CIMAP1D: variants seen among roughly 807,000 people sequenced by gnomAD.
CIMAP1D encodes CIMAP1 family member D, also known as protein CIMAP1D.
the CIMAP1D span, among the ~76,000 whole-genome samples, chr19:468,723 G>A: frequency 2.6e-5 from 4 of 152,188 alleles, no homozygotes; most frequent in Admixed American, 6.5e-5. Context: ...CGGTGTTCAC[G>A]GCCCCACAGA....
At chr19:471,356 G>T in the CIMAP1D span, among the ~76,000 whole-genome samples, 1 of 151,984 alleles carries the variant, frequency 6.6e-6, no homozygotes, top group Non-Finnish European at 1.5e-5. Context: ...CACCATGTTA[G>T]CCAGGATGGT....
At chr19:463,889 C>T in the CIMAP1D span, 33 of 1,610,990 alleles carry the variant, frequency 2.0e-5, no homozygotes, top group South Asian at 9.9e-5. Context: ...GCCGGGAGGG[C>T]GTGGTGGCGG....
chr19:464,105 GCCTGGTATCTCAGCAGGAT>G, the CIMAP1D span: 12 of 1,266,406 alleles, frequency 9.5e-6, no homozygotes, highest in Non-Finnish European at 1.1e-5. Context: ...ACTGGCCCGG[GCCTGGTATCTCAGCAGGAT>G]CCTGCGGGGG....
the CIMAP1D span, among the ~76,000 whole-genome samples, chr19:488,364 T>C: frequency 6.6e-6 from 1 of 150,890 alleles, no homozygotes; most frequent in Non-Finnish European, 1.5e-5. Flanking sequence ...CTACTAAAAA[T>C]ACAAACAATT....
chr19:485,508 C>G, the CIMAP1D span, among the ~76,000 whole-genome samples: 1 of 152,198 alleles, frequency 6.6e-6, no homozygotes. Flanking sequence ...AGGTCTCACT[C>G]CACCATCCAG....
the CIMAP1D span, among the ~76,000 whole-genome samples, chr19:476,677 T>G: frequency 6.6e-6 from 1 of 152,170 alleles, no homozygotes; most frequent in Non-Finnish European, 1.5e-5. Flanking sequence ...CAGAGCATAT[T>G]ATCTGGTGAA....
the CIMAP1D span, among the ~76,000 whole-genome samples, chr19:482,728 C>G: frequency 2.0e-5 from 3 of 152,112 alleles, no homozygotes; most frequent in African/African-American, 2.4e-5. Context: ...GGTCACAAAG[C>G]CAGCAGGAGT....
chr19:479,253 A>G, the CIMAP1D span, among the ~76,000 whole-genome samples: 2 of 152,208 alleles, frequency 1.3e-5, no homozygotes, highest in African/African-American at 2.4e-5. Context: ...CAGTAACAAT[A>G]TGAACCTGTG....
At chr19:488,160 C>T in the CIMAP1D span, among the ~76,000 whole-genome samples, 1 of 152,114 alleles carries the variant, frequency 6.6e-6, no homozygotes, top group African/African-American at 2.4e-5. Context: ...TAAACCGCTT[C>T]CTTCTCTAAC....
chr19:485,478 C>G, the CIMAP1D span, among the ~76,000 whole-genome samples: 2 of 152,206 alleles, frequency 1.3e-5, no homozygotes, highest in East Asian at 3.8e-4. Context: ...CAAGTCCCAC[C>G]GTTCTTTTCT....
chr19:474,096 G>A, the CIMAP1D span, among the ~76,000 whole-genome samples: 6 of 151,980 alleles, frequency 3.9e-5, no homozygotes, highest in African/African-American at 1.2e-4. Flanking sequence ...GCAGAATCTC[G>A]ATGCCACAGG....
chr19:464,140 CGGGGGGGGT>C, the CIMAP1D span: 2 of 796,562 alleles, frequency 2.5e-6, no homozygotes, highest in Non-Finnish European at 3.0e-6. Flanking sequence ...GGGGGGCGGG[CGGGGGGGGT>C]GCGGCCCACC....
chr19:484,943 G>A, the CIMAP1D span, among the ~76,000 whole-genome samples: 1 of 152,172 alleles, frequency 6.6e-6, no homozygotes, highest in African/African-American at 2.4e-5. Flanking sequence ...GGGAAGCCCG[G>A]GGGAGGCGAG....
the CIMAP1D span, among the ~76,000 whole-genome samples, chr19:468,357 T>C: frequency 0.12 from 18,456 of 151,328 alleles, 2,705 homozygotes; most frequent in African/African-American, 0.34. Flanking sequence ...CGGAGCAAGA[T>C]GGAGTCTCAA....
chr19:483,698 C>T, the CIMAP1D span, among the ~76,000 whole-genome samples: 3 of 152,206 alleles, frequency 2.0e-5, no homozygotes, highest in Non-Finnish European at 4.4e-5. Flanking sequence ...ACAGGGCCTG[C>T]GGAAGACCCT....
At chr19:484,663 G>A in the CIMAP1D span, among the ~76,000 whole-genome samples, 2 of 152,332 alleles carry the variant, frequency 1.3e-5, no homozygotes, top group African/African-American at 2.4e-5. Flanking sequence ...GGAGGGCACC[G>A]CTGTGCAAAG....
chr19:465,612 G>A, the CIMAP1D span, among the ~76,000 whole-genome samples: 6 of 143,388 alleles, frequency 4.2e-5, no homozygotes, highest in East Asian at 4.3e-4. Flanking sequence ...GGTGCAGGTC[G>A]GTGTGTGGAT....
the CIMAP1D span, among the ~76,000 whole-genome samples, chr19:477,499 G>C: frequency 6.7e-6 from 1 of 149,086 alleles, no homozygotes. Context: ...GCTTGAACCC[G>C]CTTGAACCCT....
the CIMAP1D span, among the ~76,000 whole-genome samples, chr19:481,290 GGATGATGGGAAGGATGATGGAGAAC>G: frequency 2.8e-5 from 4 of 142,616 alleles, no homozygotes; most frequent in Non-Finnish European, 3.0e-5. Context: ...ATGATGGGAA[GGATGATGGGAAGGATGATGGAGAAC>G]GATGATGGAG....
Sources: allele counts gnomAD v4.1 joint callset (sites outside exome capture counted in the v4.1 genomes callset), GRCh38; gene constraint gnomAD v4.1.1; transcripts MANE v1.5; gene names NCBI Gene and HGNC (gene_info 2026-07-23, HGNC 2026-07-21).